APBA1: variants seen among roughly 807,000 people sequenced by gnomAD.
The protein encoded by APBA1 is amyloid-beta A4 precursor protein-binding family A member 1.
Under a neutral mutation model 86.6 loss-of-function variants are expected in APBA1, and 55 were observed. The ratio of observed to expected loss-of-function variants is 0.64; its 90% CI spans 0.51 to 0.80. The LOEUF (loss-of-function observed/expected upper bound fraction) is 0.80. APBA1 is among the 30% of genes least tolerant of loss of function. APBA1 has a pLI of 0.00. For synonymous variants in APBA1, 511 were observed against 493.9 expected (o/e 1.03, Z -0.46); for missense variants, 1,090 against 1,183.0 (o/e 0.92, Z 1.15).
intron 2 of APBA1, among the ~76,000 whole-genome samples, chr9:69,498,212 T>C (rs1224250011): frequency 6.6e-6 from 1 of 152,108 alleles, no homozygotes; most frequent in Non-Finnish European, 1.5e-5. Flanking sequence ...CTGCATACTT[T>C]ATGAAGCAAG....
chr9:69,526,254 G>A (rs1836340056), intron 1 of APBA1, among the ~76,000 whole-genome samples: 1 of 152,030 alleles, frequency 6.6e-6, no homozygotes, highest in Non-Finnish European at 1.5e-5. Flanking sequence ...CTTCTGCACA[G>A]CAAAAGAAAC....
intron 1 of APBA1, among the ~76,000 whole-genome samples, chr9:69,590,557 A>G (rs982411630): frequency 7.9e-5 from 12 of 152,336 alleles, no homozygotes; most frequent in African/African-American, 2.4e-4. Context: ...ATGCATTCAC[A>G]TGGGCTGGCT....
At position 69,457,098 on chromosome 9, in the gene APBA1, G is replaced by A. The variant is rs776047550; in HGVS notation, c.1557C>T (p.Leu519=). The part of the protein sequence containing the change: ...GESQPMTEVD[L]FISTQRIKVL... Reference sequence around the variant, plus strand: ...CTTTGATTCTCTGGGTAGAAATGAAGAGATCCACTTCAGTCATTGGCTGAG... The same window carrying A: ...CTTTGATTCTCTGGGTAGAAATGAAAAGATCCACTTCAGTCATTGGCTGAG... Residue 519 remains leucine, a synonymous_variant, in exon 7 of 13, where the codon CTC becomes CTT. Transcript: ENST00000265381. 6.2e-7 allele frequency: 1 copy of A among 1,614,076 alleles called. No homozygotes were observed. Among genetic ancestry groups the A allele is most frequent in the African/African-American group, 1.3e-5 (1 of 74,918 alleles).
chr9:69,633,681 T>G (rs983911376), intron 1 of APBA1, among the ~76,000 whole-genome samples: 1 of 152,188 alleles, frequency 6.6e-6, no homozygotes, highest in Non-Finnish European at 1.5e-5. Flanking sequence ...TTTGCTACCA[T>G]GCCCTTGAGA....
chr9:69,468,862 TTTTC>T (rs778455787), intron 4 of APBA1, among the ~76,000 whole-genome samples: 7 of 123,226 alleles, frequency 5.7e-5, no homozygotes, highest in South Asian at 5.6e-4. Context: ...ACGTATTTTA[TTTTC>T]TTTCTTTTTT....
chr9:69,590,721 C>A (rs1324340762), intron 1 of APBA1, among the ~76,000 whole-genome samples: 1 of 152,168 alleles, frequency 6.6e-6, no homozygotes, highest in Non-Finnish European at 1.5e-5. Context: ...TTGTGTCAGT[C>A]TTTTTCTGGC....
chr9:69,500,809 C>T (rs1459761061), intron 2 of APBA1, among the ~76,000 whole-genome samples: 6 of 152,018 alleles, frequency 3.9e-5, no homozygotes, highest in Admixed American at 1.3e-4. Flanking sequence ...TTTATCTAAT[C>T]GGAATGTGAC....
intron 1 of APBA1, among the ~76,000 whole-genome samples, chr9:69,606,479 CTTTTTTT>C (rs35083481): frequency 1.6e-4 from 8 of 50,892 alleles, no homozygotes; most frequent in African/African-American, 2.1e-4. Context: ...AGGGAGCTAG[CTTTTTTT>C]TTTTTTTTTT....
chr9:69,484,887 AT>A lies in APBA1; in HGVS notation c.1201-8745del, dbSNP rs1331526982. Among the ~76,000 whole-genome samples, 5 of 151,890 alleles carry A rather than the reference AT, an allele frequency of 3.3e-5. No individual in the cohort carries two copies. In the East Asian group the frequency reaches 9.7e-4, roughly 29 times the overall value. On this transcript the variant is annotated intron_variant, in intron 2 of 12. Transcript: ENST00000265381. ...TACAGATGCACCCAATGCTTTCTTC[AT>A]TTTTCAGTGGTCAATGGTAGGCCCT...
intron 2 of APBA1, among the ~76,000 whole-genome samples, chr9:69,512,811 C>T (rs1012452882): frequency 6.6e-6 from 1 of 152,070 alleles, no homozygotes; most frequent in South Asian, 2.1e-4. Context: ...GGTTTGGAAA[C>T]GAAGGGCAGT....
chr9:69,635,760 T>C (rs1326002305), intron 1 of APBA1, among the ~76,000 whole-genome samples: 1 of 152,174 alleles, frequency 6.6e-6, no homozygotes, highest in Non-Finnish European at 1.5e-5. Context: ...GGTCACTATA[T>C]AATGATAAAG....
At chr9:69,489,360 C>G (rs573129172) in intron 2 of APBA1, among the ~76,000 whole-genome samples, 7 of 152,100 alleles carry the variant, frequency 4.6e-5, no homozygotes, top group South Asian at 2.1e-4. Flanking sequence ...ACAAACCTGA[C>G]AAAAACAAGC....
chr9:69,591,931 A>G (rs911817165), intron 1 of APBA1, among the ~76,000 whole-genome samples: 5 of 152,022 alleles, frequency 3.3e-5, no homozygotes, highest in South Asian at 2.1e-4. Flanking sequence ...AAAAAAGGGG[A>G]AAAAAAGTCT....
chr9:69,463,188 C>T (rs1178168227), intron 5 of APBA1: 2 of 152,152 alleles, frequency 1.3e-5, no homozygotes, highest in African/African-American at 4.8e-5. Flanking sequence ...CTTTAAATTT[C>T]AGAGCCCTCA....
At chr9:69,566,920 G>A (rs1837035473) in intron 1 of APBA1, among the ~76,000 whole-genome samples, 1 of 152,076 alleles carries the variant, frequency 6.6e-6, no homozygotes, top group Non-Finnish European at 1.5e-5. Flanking sequence ...CCCTACTTGT[G>A]TGTCAGGGCT....
At chr9:69,567,531 G>A (rs952987276) in intron 1 of APBA1, among the ~76,000 whole-genome samples, 15 of 151,828 alleles carry the variant, frequency 9.9e-5, no homozygotes, top group African/African-American at 2.4e-4. Flanking sequence ...CCATTAACTC[G>A]TCATTTACAT....
Position 69,440,990 on chromosome 9 carries a change from A to G in APBA1, c.2301+6T>C. On this transcript the variant is annotated splice_donor_region_variant and intron_variant, in intron 11 of 12. Coordinates refer to ENST00000265381, the MANE Select transcript of APBA1 (RefSeq NM_001163.4). ...TGGAAAAGGGTGTGGAAGGTGTTCT[A>G]CTTACAATTCCATTCTGGACGCTGA... 6.2e-7 allele frequency: 1 copy of G among 1,612,942 alleles called. No homozygotes were observed. The highest frequency in any genetic ancestry group is 8.5e-7 in the Non-Finnish European group (1 of 1,179,512).
In APBA1 at chr9:69,431,216, C is replaced by A; in HGVS notation, c.*111G>T. The stretch of plus-strand genomic sequence containing the variant: ...TGGATTCTTCTCTTCCTGTGTAAAA[C>A]CAAATGCTGGGCGCGAGAGGGGAAA... On this transcript the variant is annotated 3_prime_UTR_variant, in exon 13 of 13. Transcript: ENST00000265381. The A allele has an allele frequency of 1.2e-5, 9 of 746,368 alleles. No homozygotes were observed. The highest frequency in any genetic ancestry group is 6.9e-5 in the South Asian group (3 of 43,278). The allele number at this position is 746,368 out of a possible 1,614,324, so 46.2% of individuals were successfully genotyped here.
chr9:69,609,056 T>C (rs1170770131), intron 1 of APBA1, among the ~76,000 whole-genome samples: 1 of 152,250 alleles, frequency 6.6e-6, no homozygotes, highest in Non-Finnish European at 1.5e-5. Flanking sequence ...CTAGGCACTA[T>C]AATGACTACA....
Sources: gnomAD v4.1 joint callset for allele counts (sites outside exome capture counted in the v4.1 genomes callset) on GRCh38, gnomAD v4.1.1 for gene constraint, MANE v1.5 for transcripts, NCBI Gene and HGNC (gene_info 2026-07-23, HGNC 2026-07-21) for gene names.